ARMC3: variants seen among roughly 807,000 people sequenced by gnomAD.
ARMC3 encodes armadillo repeat containing 3.
A neutral mutation model predicts 90.3 loss-of-function variants in ARMC3; 74 were observed. The ratio of observed to expected loss-of-function variants is 0.82; its 90% CI spans 0.68 to 0.99. ARMC3 has a LOEUF of 0.99. Ranked by LOEUF, ARMC3 falls within the 50% of genes least tolerant of loss-of-function variation. ARMC3 has a pLI of 0.00. For missense variants in ARMC3, 958 were observed against 1,042.8 expected (o/e 0.92, Z 1.12); for synonymous variants, 334 against 361.8 (o/e 0.92, Z 0.87).
At chr10:22,972,432 T>C (rs1195089638) in intron 8 of ARMC3, among the ~76,000 whole-genome samples, 1 of 152,184 alleles carries the variant, frequency 6.6e-6, no homozygotes, top group East Asian at 1.9e-4. Context: ...TTTGTTGAAA[T>C]TGGTTATTTG....
intron 11 of ARMC3, among the ~76,000 whole-genome samples, chr10:23,000,875 A>G (rs1837250609): frequency 6.6e-6 from 1 of 152,198 alleles, no homozygotes; most frequent in South Asian, 2.1e-4. Flanking sequence ...TGCATAGATA[A>G]TGCAGCATTA....
At chr10:22,936,722 T>A (rs948991921) in intron 2 of ARMC3, among the ~76,000 whole-genome samples, 2 of 152,184 alleles carry the variant, frequency 1.3e-5, no homozygotes, top group Admixed American at 1.3e-4. Context: ...ATAGCTATCA[T>A]TTATTCTCAG....
intron 17 of ARMC3, chr10:23,031,089 A>C (rs1199613702): frequency 7.2e-6 from 2 of 278,334 alleles, no homozygotes; most frequent in Non-Finnish European, 1.4e-5. Context: ...GTTATGAATG[A>C]ATCAAAAGTT....
chr10:22,991,141 ATAAAT>A (rs1054900853), intron 10 of ARMC3, among the ~76,000 whole-genome samples: 3 of 152,348 alleles, frequency 2.0e-5, no homozygotes, highest in African/African-American at 4.8e-5. Context: ...GTAAAAACTA[ATAAAT>A]TAAAGGTCAG....
chr10:23,021,240 G>A (rs1043356821), intron 16 of ARMC3, among the ~76,000 whole-genome samples: 1 of 152,188 alleles, frequency 6.6e-6, no homozygotes, highest in Admixed American at 6.5e-5. Context: ...TAGATGCCGT[G>A]TATTTGCTAT....
chr10:22,974,642 T>TTGTG (rs1161513136), intron 8 of ARMC3, among the ~76,000 whole-genome samples: 3 of 151,708 alleles, frequency 2.0e-5, no homozygotes, highest in African/African-American at 7.3e-5. Flanking sequence ...TTTTTTTTGT[T>TTGTG]TGTTTGTTTG....
rs756010418 is a variant in ARMC3 at position 22,968,504 on chromosome 10, A to G, written c.916+15A>G. On this transcript the variant is annotated intron_variant, in intron 8 of 18. Coordinates refer to ENST00000298032, the MANE Select transcript of ARMC3 (RefSeq NM_173081.5). ...AGCTTATGATCGTATGTCTCATTTTATTTTATTTATTTTGAGATAGGATCT... is the reference window on the plus strand; with the variant it reads ...AGCTTATGATCGTATGTCTCATTTTGTTTTATTTATTTTGAGATAGGATCT... The G allele has an allele frequency of 1.3e-6, 2 of 1,541,312 alleles. No homozygotes were observed. Among genetic ancestry groups the G allele is most frequent in the African/African-American group, 1.4e-5 (1 of 72,032 alleles).
chr10:22,955,748 C>T, intron 3 of ARMC3, 59 bp from the exon 4 acceptor site: 1 of 1,585,170 alleles, frequency 6.3e-7, no homozygotes, highest in Non-Finnish European at 8.6e-7. Flanking sequence ...TGGCACAAGG[C>T]AGAATGCTGA....
At chr10:23,019,099 T>A (rs141320894) in intron 16 of ARMC3, among the ~76,000 whole-genome samples, 95 of 151,894 alleles carry the variant, frequency 6.3e-4, no homozygotes, top group African/African-American at 2.3e-3. Flanking sequence ...AAGGCACAAA[T>A]GACAGATAAG....
chr10:22,996,035 A>G (rs1408237739), intron 10 of ARMC3, among the ~76,000 whole-genome samples: 3 of 152,222 alleles, frequency 2.0e-5, no homozygotes, highest in Admixed American at 2.0e-4. Context: ...TGATTAACAA[A>G]TACAAGGTAT....
intron 16 of ARMC3, among the ~76,000 whole-genome samples, chr10:23,028,560 T>C (rs966314055): frequency 1.2e-4 from 19 of 152,214 alleles, no homozygotes; most frequent in African/African-American, 4.3e-4. Flanking sequence ...ATTTATGGGT[T>C]TTATTTACAT....
chr10:23,014,236 C>T, intron 16 of ARMC3: 1 of 1,519,330 alleles, frequency 6.6e-7, no homozygotes, highest in Non-Finnish European at 8.9e-7. Context: ...AAATGATGAT[C>T]CCTGCCTCAA....
intron 2 of ARMC3, among the ~76,000 whole-genome samples, 174 bp from the exon 3 acceptor site, chr10:22,945,970 T>A (rs891976756): frequency 2.0e-5 from 3 of 152,204 alleles, no homozygotes; most frequent in Admixed American, 2.0e-4. Flanking sequence ...TGCTGACAAT[T>A]GTTTCTCTAG....
At position 22,968,163 on chromosome 10, in the gene ARMC3, C is replaced by T. The variant is rs147676918; in HGVS notation, c.733-143C>T. Reference sequence around the variant, plus strand: ...AGAAGAGTGATGTTACTTTGATAAGCAGAACTCCTATTCCCTGGGGCCTCT... The same window carrying T: ...AGAAGAGTGATGTTACTTTGATAAGTAGAACTCCTATTCCCTGGGGCCTCT... On this transcript the variant is annotated intron_variant, in intron 7 of 18. Coordinates refer to ENST00000298032, the MANE Select transcript of ARMC3 (RefSeq NM_173081.5). 3.6e-4 allele frequency: 239 copies of T among 670,932 alleles called. 2 individuals are homozygous for T. The East Asian group carries it at 6.6e-3, about 18-fold the overall frequency. The allele number at this position is 670,932 out of a possible 1,614,324, so 41.6% of individuals were successfully genotyped here.
At chr10:22,999,355 C>A (rs1837172932) in intron 11 of ARMC3, among the ~76,000 whole-genome samples, 1 of 152,146 alleles carries the variant, frequency 6.6e-6, no homozygotes, top group African/African-American at 2.4e-5. Context: ...CGAGGCCAGC[C>A]TGGGCAACAT....
At chr10:23,001,503 G>A (rs1232353542) in intron 11 of ARMC3, among the ~76,000 whole-genome samples, 1 of 152,098 alleles carries the variant, frequency 6.6e-6, no homozygotes, top group East Asian at 1.9e-4. Flanking sequence ...CCCATCTCAA[G>A]ACCCTTAATC....
At chr10:22,962,494 A>T (rs756667096) in intron 7 of ARMC3, among the ~76,000 whole-genome samples, 16 of 152,324 alleles carry the variant, frequency 1.1e-4, no homozygotes, top group Middle Eastern at 3.4e-3. Flanking sequence ...GCCTTCTGGG[A>T]TCTCCTGGTT....
intron 10 of ARMC3, among the ~76,000 whole-genome samples, chr10:22,992,355 A>G (rs909381349): frequency 5.9e-5 from 9 of 152,182 alleles, no homozygotes; most frequent in South Asian, 2.1e-4. Flanking sequence ...GAAAGTCTCA[A>G]AATGAAACCT....
chr10:23,015,670 A>G (rs1015357190), intron 16 of ARMC3, among the ~76,000 whole-genome samples: 2 of 152,206 alleles, frequency 1.3e-5, no homozygotes, highest in East Asian at 1.9e-4. Context: ...CACTCACACA[A>G]TCTTGATCTA....
Sources: allele counts gnomAD v4.1 joint callset (sites outside exome capture counted in the v4.1 genomes callset), GRCh38; gene constraint gnomAD v4.1.1; transcripts MANE v1.5; gene names NCBI Gene and HGNC (gene_info 2026-07-23, HGNC 2026-07-21).